The following H2BC18 variants were observed in gnomAD, a reference collection of about 807,000 sequenced individuals.
H2BC18 encodes the protein histone H2B type 2-F.
H2BC18 carries 8 observed loss-of-function variants against 6.3 expected under a neutral mutation model. The ratio of observed to expected loss-of-function variants is 1.28; its 90% confidence interval spans 0.75 to 2.31. The LOEUF is 2.31. Ranked by LOEUF, H2BC18 falls within the 30% of genes most tolerant of loss-of-function variation. H2BC18 has a pLI of 0.00. For missense variants in H2BC18, 106 were observed against 174.5 expected (o/e 0.61, Z 2.21); for synonymous variants, 104 against 78.1 (o/e 1.33, Z -1.75).
At position 149,793,027 on chromosome 1, in the gene H2BC18, C is replaced by T. The variant is rs1448994995; in HGVS notation, c.378-9767G>A. Reference sequence around the variant, plus strand: ...TGAGTCCCTCCAACCCCGCCCCGGGCCCGCCAGCTCCCGGGCCCCGGCGCG... The same window carrying T: ...TGAGTCCCTCCAACCCCGCCCCGGGTCCGCCAGCTCCCGGGCCCCGGCGCG... On this transcript the variant is annotated intron_variant, in intron 1 of 1. Transcript: ENST00000545683. The T allele has an allele frequency of 7.1e-6, 9 of 1,262,988 alleles. No individual in the cohort carries two copies. In the East Asian group the frequency reaches 4.5e-4, roughly 64 times the overall value. The allele number at this position is 1,262,988 out of a possible 1,614,324, so 78.2% of individuals were successfully genotyped here.
chr1:149,789,005 A>G (rs139143969), intron 1 of H2BC18, among the ~76,000 whole-genome samples: 3,301 of 150,770 alleles, frequency 0.022, 110 homozygotes, highest in African/African-American at 0.078. Flanking sequence ...GAAAATATGA[A>G]GAACGGGCTA....
intron 1 of H2BC18, among the ~76,000 whole-genome samples, chr1:149,793,760 C>T (rs1487849867): frequency 6.6e-6 from 1 of 151,688 alleles, no homozygotes; most frequent in Non-Finnish European, 1.5e-5. Flanking sequence ...ATGGAGACCT[C>T]TAAATTCATC....
Position 149,812,082 on chromosome 1 carries a change from A to C in H2BC18, c.242T>G (p.Leu81Arg), listed in dbSNP as rs1553754558. 6.2e-7 allele frequency: 1 copy of C among 1,614,154 alleles called. No homozygotes were observed. Among genetic ancestry groups the C allele is most frequent in the African/African-American group, 1.3e-5 (1 of 74,962 alleles). ...GGTGGAGCGCTTGTTGTAGTGCGCC[A>C]GGCGGGACGCCTCTCCCGCGATGCG... ...FERIAGEASR[L>R]AHYNKRSTIT... Residue 81 changes from leucine to arginine, a missense_variant, in exon 1 of 1, where the codon CTG becomes CGG. Leu to Arg is a moderately radical substitution (Grantham distance 102). Coordinates refer to ENST00000369167, the MANE Select transcript of H2BC18 (RefSeq NM_001024599.5).
At chr1:149,809,314 T>A (rs1553754185), downstream of H2BC18, among the ~76,000 whole-genome samples, 1 of 138,696 alleles carries the variant, frequency 7.2e-6, no homozygotes, top group Non-Finnish European at 1.6e-5. Flanking sequence ...CATAGATACA[T>A]CGGCTCAAGG....
intron 1 of H2BC18, among the ~76,000 whole-genome samples, chr1:149,803,144 A>G (rs1273309049): frequency 3.9e-5 from 6 of 152,122 alleles, no homozygotes; most frequent in African/African-American, 1.2e-4. Flanking sequence ...ACCCTTGCCC[A>G]GGATCGTATC....
intron 1 of H2BC18, chr1:149,790,274 C>A: frequency 6.3e-7 from 1 of 1,591,478 alleles, no homozygotes; most frequent in Non-Finnish European, 8.6e-7. Flanking sequence ...TATACTGGTG[C>A]GAGGCTGCCA....
chr1:149,812,051 T>A lies in H2BC18; in HGVS notation c.273A>T (p.Thr91=), dbSNP rs6587609. Residue 91 remains threonine, a synonymous_variant, in exon 1 of 1, where the codon ACA becomes ACT. Transcript: ENST00000369167. ...LAHYNKRSTI[T]SREIQTAVRL... is the part of the protein sequence containing the mutation. ...GCACGGCCGTCTGGATCTCGCGGGA[T>A]GTGATGGTGGAGCGCTTGTTGTAGT... The A allele has an allele frequency of 1.2e-6, 2 of 1,614,184 alleles. No homozygotes were observed. The highest frequency in any genetic ancestry group is 2.2e-5 in the East Asian group (1 of 44,870).
chr1:149,810,854 C>T (rs10888479), downstream of H2BC18: 1 of 152,278 alleles, frequency 6.6e-6, no homozygotes, highest in Non-Finnish European at 1.5e-5. Context: ...AACCAACCAC[C>T]TCGTCAGGTC....
chr1:149,789,854 A>C (rs1268749966), intron 1 of H2BC18, among the ~76,000 whole-genome samples: 1 of 152,176 alleles, frequency 6.6e-6, no homozygotes, highest in African/African-American at 2.4e-5. Context: ...TATCCTCAGT[A>C]GGACTCAGCA....
At chr1:149,811,847 T>C (rs2091978510), downstream of H2BC18, 2 of 1,127,694 alleles carry the variant, frequency 1.8e-6, no homozygotes, top group East Asian at 5.1e-5. Flanking sequence ...TCAAACGCTC[T>C]GACAAGTGTT....
At chr1:149,789,984 G>A in intron 1 of H2BC18, 1 of 1,612,926 alleles carries the variant, frequency 6.2e-7, no homozygotes, top group Non-Finnish European at 8.5e-7. Context: ...GGGGGTAAAG[G>A]GCATGTCTTT....
Position 149,793,736 on chromosome 1 carries a change from C to T in H2BC18, c.378-10476G>A, listed in dbSNP as rs1553752494. On this transcript the variant is annotated intron_variant, in intron 1 of 1. Coordinates refer to the H2BC18 transcript ENST00000545683. ...TGGGTCGTTAGGGGTCGTTCTTCACCTTCCAGGCTGGGTATGGAGACCTCT... is the reference window on the plus strand; with the variant it reads ...TGGGTCGTTAGGGGTCGTTCTTCACTTTCCAGGCTGGGTATGGAGACCTCT... Among the ~76,000 whole-genome samples the T allele has an allele frequency of 2.2e-5, 3 of 136,176 alleles. No individual in the cohort carries two copies. In the South Asian group the frequency reaches 6.4e-4, roughly 29 times the overall value. 89.3% of individuals were successfully genotyped at this position (136,176 alleles called of 152,430 possible).
chr1:149,796,720 TCA>T (rs1474057007), intron 1 of H2BC18, among the ~76,000 whole-genome samples: 2 of 152,218 alleles, frequency 1.3e-5, no homozygotes, highest in Admixed American at 1.3e-4. Flanking sequence ...GAAATCTATA[TCA>T]TGGCACTTAA....
At chr1:149,788,803 A>G (rs1192183365) in intron 1 of H2BC18, among the ~76,000 whole-genome samples, 1 of 152,134 alleles carries the variant, frequency 6.6e-6, no homozygotes, top group Non-Finnish European at 1.5e-5. Context: ...GTCCTAGTCC[A>G]ATACTCTTTC....
chr1:149,788,378 T>C, intron 1 of H2BC18: 1 of 1,612,966 alleles, frequency 6.2e-7, no homozygotes, highest in South Asian at 1.1e-5. Context: ...TGGCTACTAC[T>C]GCAGGTCTCC....
intron 1 of H2BC18, chr1:149,792,677 C>T: frequency 2.3e-6 from 3 of 1,280,080 alleles, no homozygotes; most frequent in Non-Finnish European, 3.0e-6. Flanking sequence ...GCCGCCAGCG[C>T]CCGGGGACCC....
intron 1 of H2BC18, among the ~76,000 whole-genome samples, chr1:149,789,766 C>T (rs1348645235): frequency 2.6e-5 from 4 of 152,148 alleles, no homozygotes; most frequent in Non-Finnish European, 1.5e-5. Flanking sequence ...CCCCACTTCA[C>T]CCCCCGGCTG....
At chr1:149,790,406 G>A (rs1264370855) in intron 1 of H2BC18, 18 of 1,549,122 alleles carry the variant, frequency 1.2e-5, no homozygotes, top group African/African-American at 2.7e-5. Context: ...TGGGACTGAG[G>A]TTTGTTCAAG....
At chr1:149,789,402 T>C (rs2091641756) in intron 1 of H2BC18, among the ~76,000 whole-genome samples, 1 of 149,834 alleles carries the variant, frequency 6.7e-6, no homozygotes, top group Non-Finnish European at 1.5e-5. Context: ...CAAATAATAA[T>C]AATAATAATA....
Sources: allele counts gnomAD v4.1 joint callset (sites outside exome capture counted in the v4.1 genomes callset), GRCh38; gene constraint gnomAD v4.1.1; transcripts MANE v1.5; gene names NCBI Gene and HGNC (gene_info 2026-07-23, HGNC 2026-07-21).